IAH1: variants seen among roughly 807,000 people sequenced by gnomAD.
IAH1 encodes the protein isoamyl acetate hydrolyzing esterase 1 (putative).
In IAH1, 24 loss-of-function variants were observed where a neutral mutation model predicts 26.7. The observed-to-expected ratio is 0.90, with a 90% CI of 0.65 to 1.26. IAH1 has a LOEUF of 1.26. IAH1 is among the 50% of genes most tolerant of loss of function. The pLI is 0.00. For missense variants in IAH1, 300 were observed against 299.9 expected (o/e 1.00, Z 0.00); for synonymous variants, 140 against 118.5 (o/e 1.18, Z -1.18).
the IAH1 span, among the ~76,000 whole-genome samples, chr2:9,504,353 G>C: frequency 6.6e-6 from 1 of 151,958 alleles, no homozygotes; most frequent in Non-Finnish European, 1.5e-5. Flanking sequence ...GCTGAGGCAG[G>C]GGAATCGCTT....
the IAH1 span, chr2:9,505,074 T>C: frequency 7.3e-7 from 1 of 1,370,446 alleles, no homozygotes; most frequent in South Asian, 1.3e-5. Context: ...CCCCTTTCAG[T>C]TGATTCTAAA....
At chr2:9,485,929 G>A (rs1010805703) in intron 5 of IAH1, 2 of 152,270 alleles carry the variant, frequency 1.3e-5, no homozygotes, top group African/African-American at 4.8e-5. Context: ...GGGAAGGAAG[G>A]ATCCAGTGTG....
rs1468995026 is a variant in IAH1, at chr2:9,478,257, A to G, written c.170A>G (p.Tyr57Cys). The G allele has an allele frequency of 6.8e-6, 11 of 1,612,436 alleles. No individual in the cohort carries two copies. Among genetic ancestry groups the G allele is most frequent in the African/African-American group, 1.3e-5 (1 of 74,990 alleles). The change falls in exon 3 of 6, where the codon TAC becomes TGC. Residue 57 changes from tyrosine to cysteine, a missense_variant. Transcript: ENST00000497473. ...CDVLNRGFSG[Y>C]NTRWAKIILP... Reference sequence around the variant, plus strand: ...GTTCTGAATCGTGGATTTTCAGGTTACAATACCAGGTGGGCCAAAATTATC... The same window carrying G: ...GTTCTGAATCGTGGATTTTCAGGTTGCAATACCAGGTGGGCCAAAATTATC...
At chr2:9,479,544 T>C (rs1349209794) in intron 3 of IAH1, among the ~76,000 whole-genome samples, 2 of 152,144 alleles carry the variant, frequency 1.3e-5, no homozygotes, top group Admixed American at 1.3e-4. Flanking sequence ...TGAAAACTTA[T>C]CAAAAAATGC....
chr2:9,497,688 A>G (rs1662713918), downstream of IAH1, among the ~76,000 whole-genome samples: 1 of 152,150 alleles, frequency 6.6e-6, no homozygotes, highest in Non-Finnish European at 1.5e-5. Context: ...CTTCAATATT[A>G]ACAGATACTA....
At chr2:9,496,128 CTTAT>C (rs947100352) in intron 6 of IAH1, among the ~76,000 whole-genome samples, 18 of 151,640 alleles carry the variant, frequency 1.2e-4, no homozygotes, top group South Asian at 4.2e-4. Context: ...TTATTTTTTA[CTTAT>C]TTATTTATTT....
At chr2:9,493,872 A>T, downstream of IAH1, 2 of 1,484,654 alleles carry the variant, frequency 1.3e-6, no homozygotes, top group Non-Finnish European at 1.9e-6. Flanking sequence ...AACACAATGT[A>T]TTCAGAAGCA....
chr2:9,483,479 C>A (rs1176592508), intron 4 of IAH1, among the ~76,000 whole-genome samples: 1 of 152,100 alleles, frequency 6.6e-6, no homozygotes, highest in Non-Finnish European at 1.5e-5. Context: ...AACAATTGAT[C>A]CCAAGTATGA....
the IAH1 span, among the ~76,000 whole-genome samples, chr2:9,506,359 G>GTTTT: frequency 9.6e-5 from 7 of 73,238 alleles, no homozygotes; most frequent in African/African-American, 2.3e-4. Flanking sequence ...CTTCAAATCT[G>GTTTT]TTTTTTTTTT....
chr2:9,508,115 C>T, the IAH1 span, among the ~76,000 whole-genome samples: 1 of 152,178 alleles, frequency 6.6e-6, no homozygotes, highest in Non-Finnish European at 1.5e-5. Flanking sequence ...AAACATTTTG[C>T]TCCCAAGTTC....
downstream of IAH1, chr2:9,492,829 G>A (rs2124959793): frequency 1.5e-6 from 2 of 1,350,642 alleles, no homozygotes; most frequent in East Asian, 5.2e-5. Context: ...ACCTTTTCCA[G>A]AGATTACATG....
At chr2:9,503,137 C>CAA in the IAH1 span, among the ~76,000 whole-genome samples, 42 of 74,194 alleles carry the variant, frequency 5.7e-4, 1 homozygote, top group Admixed American at 1.5e-3. Flanking sequence ...GAGACTCTCT[C>CAA]AAAAAAAAAA....
At chr2:9,492,281 G>T (rs745368302), downstream of IAH1, among the ~76,000 whole-genome samples, 1 of 152,174 alleles carries the variant, frequency 6.6e-6, no homozygotes, top group Middle Eastern at 3.2e-3. Context: ...GAATGGATTC[G>T]TAAGAACATT....
chr2:9,484,675 AAAAC>A (rs776941626), intron 5 of IAH1, 125 bp downstream of exon 5: 151 of 641,554 alleles, frequency 2.4e-4, no homozygotes, highest in Non-Finnish European at 3.7e-4. Flanking sequence ...TTAGCCAATG[AAAAC>A]AAACAGGCTT....
chr2:9,505,132 A>T, the IAH1 span: 1 of 1,611,306 alleles, frequency 6.2e-7, no homozygotes, highest in East Asian at 2.2e-5. Flanking sequence ...TTGTTATACC[A>T]ACTTCCCAAA....
At chr2:9,483,046 T>G (rs936711409) in intron 4 of IAH1, among the ~76,000 whole-genome samples, 1 of 152,236 alleles carries the variant, frequency 6.6e-6, no homozygotes, top group African/African-American at 2.4e-5. Flanking sequence ...AAATGTTACA[T>G]AGCATGGTCC....
chr2:9,502,789 GA>G, the IAH1 span, among the ~76,000 whole-genome samples: 1 of 144,860 alleles, frequency 6.9e-6, no homozygotes, highest in African/African-American at 2.6e-5. Context: ...TGAGGCAGGA[GA>G]ATCGCCTGGA....
At chr2:9,475,074 T>C in intron 1 of IAH1, 1 of 1,223,506 alleles carries the variant, frequency 8.2e-7, no homozygotes, top group Non-Finnish European at 1.1e-6. Flanking sequence ...AGGAGCTCTC[T>C]CGCCCCATTC....
chr2:9,483,063 G>A (rs892515812), intron 4 of IAH1, among the ~76,000 whole-genome samples: 5 of 152,236 alleles, frequency 3.3e-5, no homozygotes, highest in Non-Finnish European at 5.9e-5. Context: ...GTCCACAGAA[G>A]CTGTTTAGAC....
Sources: gnomAD v4.1 joint callset for allele counts (sites outside exome capture counted in the v4.1 genomes callset) on GRCh38, gnomAD v4.1.1 for gene constraint, MANE v1.5 for transcripts, NCBI Gene and HGNC (gene_info 2026-07-23, HGNC 2026-07-21) for gene names.